DCLK1: variants seen among roughly 807,000 people sequenced by gnomAD.
DCLK1 encodes doublecortin like kinase 1, also known as serine/threonine-protein kinase DCLK1.
Under a neutral mutation model 86.2 loss-of-function variants are expected in DCLK1, and 16 were observed. The observed-to-expected ratio is 0.19, with a 90% confidence interval of 0.13 to 0.28. DCLK1 has a LOEUF of 0.28. DCLK1 is among the 10% of genes least tolerant of loss of function. The probability of loss-of-function intolerance (pLI) is 1.00; values close to 1 mark genes in which losing one functional copy is unlikely to be tolerated. For missense variants in DCLK1, 590 were observed against 940.2 expected (o/e 0.63, Z 4.87); for synonymous variants, 369 against 370.5 (o/e 1.00, Z 0.05).
intron 7 of DCLK1, among the ~76,000 whole-genome samples, chr13:35,837,418 A>G (rs997616545): frequency 1.3e-5 from 2 of 152,166 alleles, no homozygotes; most frequent in African/African-American, 4.8e-5. Flanking sequence ...TCTCTAGAAT[A>G]AAGTGAGGGC....
At chr13:35,952,321 A>T (rs1020327474) in intron 3 of DCLK1, among the ~76,000 whole-genome samples, 1 of 152,226 alleles carries the variant, frequency 6.6e-6, no homozygotes, top group African/African-American at 2.4e-5. Flanking sequence ...GGATTCTATC[A>T]GTATCATTAC....
chr13:35,909,428 A>G (rs1193936027), intron 4 of DCLK1, among the ~76,000 whole-genome samples: 1 of 152,156 alleles, frequency 6.6e-6, no homozygotes, highest in Non-Finnish European at 1.5e-5. Flanking sequence ...TCTCCACTGT[A>G]TGACATTAAG....
At chr13:36,113,535 G>C (rs565863817) in intron 2 of DCLK1, among the ~76,000 whole-genome samples, 5 of 152,126 alleles carry the variant, frequency 3.3e-5, no homozygotes, top group Admixed American at 6.5e-5. Flanking sequence ...CCTGAGAAAG[G>C]CATATTTGGG....
intron 6 of DCLK1, among the ~76,000 whole-genome samples, chr13:35,852,256 T>C (rs1870705279): frequency 6.6e-6 from 1 of 152,230 alleles, no homozygotes; most frequent in Non-Finnish European, 1.5e-5. Context: ...GATCAGTTTT[T>C]AGGGATCTTC....
intron 2 of DCLK1, among the ~76,000 whole-genome samples, chr13:36,122,329 A>G (rs567330878): frequency 2.0e-5 from 3 of 152,326 alleles, no homozygotes; most frequent in Non-Finnish European, 2.9e-5. Flanking sequence ...ATGAGAACCA[A>G]AGAAGAAGAG....
At chr13:36,064,315 T>A (rs574403132) in intron 3 of DCLK1, among the ~76,000 whole-genome samples, 21 of 152,276 alleles carry the variant, frequency 1.4e-4, no homozygotes, top group African/African-American at 4.6e-4. Flanking sequence ...GCAACACAAA[T>A]GCCATTTTCC....
intron 3 of DCLK1, among the ~76,000 whole-genome samples, chr13:35,963,011 A>C (rs1278409699): frequency 6.6e-6 from 1 of 152,196 alleles, no homozygotes; most frequent in Non-Finnish European, 1.5e-5. Flanking sequence ...TTGACTTCTA[A>C]GATAGAAACA....
intron 3 of DCLK1, among the ~76,000 whole-genome samples, chr13:36,033,942 C>T (rs1488302325): frequency 6.6e-6 from 1 of 152,048 alleles, no homozygotes; most frequent in Non-Finnish European, 1.5e-5. Context: ...AAGCATTTTG[C>T]AAACAAATAT....
rs1253586771 is a variant in DCLK1 at position 35,773,268 on chromosome 13, C to T, written c.*1267G>A. On this transcript the variant is annotated 3_prime_UTR_variant, in exon 17 of 17. Transcript: ENST00000360631. ...AAGACAGAAAAAACACTCTGACCTCCTGGACAGCTAAAGACAGTGGTATTT... is the reference window on the plus strand; with the variant it reads ...AAGACAGAAAAAACACTCTGACCTCTTGGACAGCTAAAGACAGTGGTATTT... The T allele has an allele frequency of 6.6e-6, 1 of 152,488 alleles. No homozygotes were observed. Among genetic ancestry groups the T allele is most frequent in the African/African-American group, 2.4e-5 (1 of 41,376 alleles). 9.4% of individuals were successfully genotyped at this position (152,488 alleles called of 1,614,324 possible).
intron 4 of DCLK1, among the ~76,000 whole-genome samples, chr13:35,879,339 G>A (rs897633925): frequency 2.0e-5 from 3 of 152,208 alleles, no homozygotes; most frequent in Non-Finnish European, 4.4e-5. Flanking sequence ...CGGGGCTCTA[G>A]AGGCACTGCT....
chr13:36,041,677 C>T (rs184143908), intron 3 of DCLK1, among the ~76,000 whole-genome samples: 7 of 152,238 alleles, frequency 4.6e-5, no homozygotes. Flanking sequence ...GTCTAGGTTT[C>T]CAAGTATTTT....
chr13:35,850,068 C>T, intron 6 of DCLK1: 3 of 982,470 alleles, frequency 3.1e-6, no homozygotes, highest in Non-Finnish European at 3.6e-6. Flanking sequence ...AGGCAAGTTC[C>T]TAAAGCCTAA....
intron 3 of DCLK1, among the ~76,000 whole-genome samples, chr13:35,971,761 C>T (rs1879070147): frequency 7.0e-6 from 1 of 142,976 alleles, no homozygotes; most frequent in Non-Finnish European, 1.5e-5. Flanking sequence ...GAAACTCCAT[C>T]TCAAAAAAAA....
Position 36,125,807 on chromosome 13 carries a change from T to C in DCLK1, c.331A>G (p.Ile111Val). ...CTGGAAATCTTCTTGAGCCCATCAA[T>C]GGTGTAGATTGTTCTCACTCCCTGG... Reference protein sequence around the residue: ...LPQGVRTIYTIDGLKKISSLD... With the variant: ...LPQGVRTIYTVDGLKKISSLD... Residue 111 changes from isoleucine (I) to valine (V), a missense_variant, in exon 2 of 17, where the codon ATT (isoleucine) becomes GTT (valine). By Grantham distance (29) the Ile-to-Val change is conservative. Around this residue, in one of 6 missense-constraint regions of DCLK1, gnomAD observed 195 missense variants for 365.1 expected, o/e 0.53. Coordinates refer to ENST00000360631, the MANE Select transcript of DCLK1 (RefSeq NM_001330071.2). 1 of 1,614,190 alleles carries C rather than the reference T, an allele frequency of 6.2e-7. No homozygotes were observed. Among genetic ancestry groups the C allele is most frequent in the South Asian group, 1.1e-5 (1 of 91,080 alleles).
chr13:36,103,608 G>T (rs557333829), intron 3 of DCLK1, among the ~76,000 whole-genome samples: 1 of 151,876 alleles, frequency 6.6e-6, no homozygotes, highest in South Asian at 2.1e-4. Flanking sequence ...TGTTTCTAAG[G>T]CATGTTGTTT....
chr13:36,079,447 T>C (rs979966272), intron 3 of DCLK1, among the ~76,000 whole-genome samples: 1 of 151,946 alleles, frequency 6.6e-6, no homozygotes, highest in African/African-American at 2.4e-5. Context: ...CTGGCCAACA[T>C]GGTGAAACCC....
chr13:35,919,793 C>T (rs1031778806), intron 4 of DCLK1, among the ~76,000 whole-genome samples: 1 of 150,366 alleles, frequency 6.7e-6, no homozygotes, highest in African/African-American at 2.5e-5. Context: ...AGACCCCACC[C>T]CTCTCAAAAA....
chr13:35,956,267 A>C (rs1183349861), intron 3 of DCLK1, among the ~76,000 whole-genome samples: 1 of 152,206 alleles, frequency 6.6e-6, no homozygotes, highest in Non-Finnish European at 1.5e-5. Context: ...AAATTGGCTT[A>C]TCTGAGCCAT....
chr13:36,125,863 G>A lies in DCLK1; in HGVS notation c.275C>T (p.Thr92Ile). 1 of 1,614,178 alleles carries A rather than the reference G, an allele frequency of 6.2e-7. No homozygotes were observed. Among genetic ancestry groups the A allele is most frequent in the Non-Finnish European group, 8.5e-7 (1 of 1,180,036 alleles). Reference sequence around the variant, plus strand: ...ATTCACGTTATCCGACAGAGTTCGGGTCAAATCAGCCAGCAGGGCCTCAAA... The same window carrying A: ...ATTCACGTTATCCGACAGAGTTCGGATCAAATCAGCCAGCAGGGCCTCAAA... ...RSFEALLADL[T>I]RTLSDNVNLP... The change falls in exon 2 of 17, where the codon ACC becomes ATC. Residue 92 changes from threonine to isoleucine, a missense_variant. Thr to Ile is a moderately conservative substitution (Grantham distance 89). Around this residue, in one of 6 missense-constraint regions of DCLK1, gnomAD observed 195 missense variants for 365.1 expected, o/e 0.53. Transcript: ENST00000360631.
Sources: allele counts gnomAD v4.1 joint callset (sites outside exome capture counted in the v4.1 genomes callset), GRCh38; gene constraint gnomAD v4.1.1; regional missense constraint gnomAD v4.1.1; transcripts MANE v1.5; gene names NCBI Gene and HGNC (gene_info 2026-07-23, HGNC 2026-07-21).